Variants in CENPP observed in about 807,000 individuals in gnomAD.
The protein encoded by CENPP is centromere protein P.
Under a neutral mutation model 35.6 loss-of-function variants are expected in CENPP, and 24 were observed. The ratio of observed to expected loss-of-function variants is 0.67; its 90% CI spans 0.49 to 0.95. CENPP has a LOEUF of 0.95. Among genes scored for constraint, CENPP ranks in the 40% least tolerant of loss-of-function variants. CENPP has a pLI of 0.00. For missense variants in CENPP, 332 were observed against 345.3 expected, an observed-to-expected ratio of 0.96 and a Z score of 0.31; for synonymous variants, 120 against 125.5, an observed-to-expected ratio of 0.96 and a Z score of 0.29.
chr9:92,413,089 A>G (rs1426752396), intron 5 of CENPP, among the ~76,000 whole-genome samples: 2 of 145,776 alleles, frequency 1.4e-5, no homozygotes, highest in East Asian at 2.0e-4. Context: ...GGTTTAGGCA[A>G]TTCTCCTGCC....
chr9:92,398,806 C>T (rs1406842583), intron 5 of CENPP, among the ~76,000 whole-genome samples: 2 of 152,102 alleles, frequency 1.3e-5, no homozygotes, highest in Non-Finnish European at 2.9e-5. Flanking sequence ...AGTGGTGGCT[C>T]ACGCCTGTAA....
chr9:92,584,059 G>A (rs1850489700), intron 5 of CENPP, among the ~76,000 whole-genome samples: 1 of 152,122 alleles, frequency 6.6e-6, no homozygotes, highest in African/African-American at 2.4e-5. Context: ...AAAACACTGG[G>A]ATTAGTTCCA....
intron 5 of CENPP, among the ~76,000 whole-genome samples, chr9:92,589,867 G>A (rs571890599): frequency 6.6e-6 from 1 of 152,212 alleles, no homozygotes; most frequent in East Asian, 1.9e-4. Context: ...ATAATCATAT[G>A]TTCATATTTC....
chr9:92,360,555 C>G (rs1564277843), intron 4 of CENPP, among the ~76,000 whole-genome samples: 2 of 151,944 alleles, frequency 1.3e-5, no homozygotes, highest in East Asian at 3.9e-4. Flanking sequence ...AGACTGAGAC[C>G]CTGTCTCAAA....
chr9:92,547,202 GAATA>G (rs939728904), intron 5 of CENPP, among the ~76,000 whole-genome samples: 24 of 151,988 alleles, frequency 1.6e-4, no homozygotes, highest in African/African-American at 4.8e-4. Context: ...GTTTTAAAAA[GAATA>G]AAGAAAGCAA....
rs113846007 is a variant in CENPP, at chr9:92,329,723, T to TTGTGTG, written c.108-2431_108-2426dup. Among the ~76,000 whole-genome samples, 26 of 150,980 alleles carry TTGTGTG rather than the reference T, an allele frequency of 1.7e-4. 1 individual carries two copies. Among genetic ancestry groups the TTGTGTG allele is most frequent in the African/African-American group, 6.1e-4 (25 of 41,322 alleles). On this transcript the variant is annotated intron_variant, in intron 1 of 7. Transcript: ENST00000375587. ...CACCTGCCACTATGCCCAGATAATT[T>TTGTGTG]TGTGTGTGTGTGTGTGTGTGTATTT...
intron 5 of CENPP, among the ~76,000 whole-genome samples, chr9:92,539,337 T>TC (rs1298674821): frequency 6.8e-6 from 1 of 147,816 alleles, no homozygotes; most frequent in Admixed American, 6.7e-5. Context: ...TCTCCCGCCT[T>TC]CCCCCGCTCC....
intron 5 of CENPP, among the ~76,000 whole-genome samples, chr9:92,520,489 G>T (rs1485035007): frequency 6.6e-6 from 1 of 152,162 alleles, no homozygotes; most frequent in African/African-American, 2.4e-5. Flanking sequence ...TAGAGAAACT[G>T]GAGTCCTCTT....
At chr9:92,585,120 CAAG>C (rs1850510694) in intron 5 of CENPP, among the ~76,000 whole-genome samples, 1 of 152,128 alleles carries the variant, frequency 6.6e-6, no homozygotes, top group South Asian at 2.1e-4. Flanking sequence ...AGTAGAATGA[CAAG>C]AATGTTTACA....
In CENPP at chr9:92,570,244, T is replaced by C. The variant is rs143701305; in HGVS notation, c.565-41070T>C. 4.7e-4 allele frequency among the ~76,000 whole-genome samples: 71 copies of C among 152,304 alleles called. 1 individual carries two copies. The East Asian group carries it at 0.012, about 25-fold the overall frequency. On this transcript the variant is annotated intron_variant, in intron 5 of 7. Transcript: ENST00000375587. ...ATAGATAGCTCTTATTATTTTGAGA[T>C]ATGTCCCATCAATACCTAGTCTATT...
Position 92,349,699 on chromosome 9 carries a change from G to A in CENPP, c.467+3912G>A, listed in dbSNP as rs149178272. ...TTACAGGCGTGAGCCACCACGCCTG[G>A]CCTATGTATACATTTATGTAGCATA... On this transcript the variant is annotated intron_variant, in intron 4 of 7. Coordinates refer to ENST00000375587, the MANE Select transcript of CENPP (RefSeq NM_001012267.3). Among the ~76,000 whole-genome samples the A allele has an allele frequency of 4.6e-3, 707 of 152,074 alleles. 2 individuals carry two copies. The highest frequency in any genetic ancestry group is 7.9e-3 in the Non-Finnish European group (539 of 67,994).
At chr9:92,475,500 A>G (rs2131087133) in intron 5 of CENPP, among the ~76,000 whole-genome samples, 1 of 152,342 alleles carries the variant, frequency 6.6e-6, no homozygotes, top group South Asian at 2.1e-4. Flanking sequence ...TTTCATAATG[A>G]GCAATGAGTA....
intron 5 of CENPP, among the ~76,000 whole-genome samples, chr9:92,515,856 G>C (rs981655535): frequency 6.6e-6 from 1 of 152,150 alleles, no homozygotes; most frequent in Admixed American, 6.5e-5. Flanking sequence ...GGACTTAAGT[G>C]ATGTTGCTTT....
chr9:92,388,019 C>T lies in CENPP; in HGVS notation c.564+8160C>T, dbSNP rs577122037. Among the ~76,000 whole-genome samples, 10 of 152,140 alleles carry T rather than the reference C, an allele frequency of 6.6e-5. No homozygotes were observed. In the South Asian group the frequency reaches 1.9e-3, roughly 28 times the overall value. On this transcript the variant is annotated intron_variant, in intron 5 of 7. Coordinates refer to ENST00000375587, the MANE Select transcript of CENPP (RefSeq NM_001012267.3). ...GCTCAGGCAATCTGCCCGCCTTGGC[C>T]TCCCAAAGTGCTAGGATTACAGGCA...
At chr9:92,326,442 C>T (rs1446250665) in intron 1 of CENPP, among the ~76,000 whole-genome samples, 1 of 152,196 alleles carries the variant, frequency 6.6e-6, no homozygotes, top group Non-Finnish European at 1.5e-5. Flanking sequence ...GGTTTCATGG[C>T]ATTTGTTTTG....
intron 5 of CENPP, among the ~76,000 whole-genome samples, chr9:92,539,865 G>C (rs1275751602): frequency 6.6e-6 from 1 of 152,108 alleles, no homozygotes; most frequent in Admixed American, 6.6e-5. Context: ...ATGGACATTT[G>C]GGTTGTTTCC....
At chr9:92,600,170 G>A (rs915603365) in intron 5 of CENPP, 8 of 751,204 alleles carry the variant, frequency 1.1e-5, no homozygotes, top group South Asian at 5.4e-5. Context: ...CACATGTCAC[G>A]AAATCTTTGG....
intron 5 of CENPP, chr9:92,416,622 CTATTTCATTATTTTGT>C: frequency 6.6e-7 from 1 of 1,517,680 alleles, no homozygotes; most frequent in Non-Finnish European, 8.9e-7. Context: ...TACATACTTT[CTATTTCATTATTTTGT>C]AGGTATAGGT....
chr9:92,601,150 T>C (rs1473432110), intron 5 of CENPP, among the ~76,000 whole-genome samples: 1 of 152,204 alleles, frequency 6.6e-6, no homozygotes, highest in African/African-American at 2.4e-5. Flanking sequence ...AGCCACTGCA[T>C]TCCTTTCTGC....
Sources: allele counts gnomAD v4.1 joint callset (sites outside exome capture counted in the v4.1 genomes callset), GRCh38; gene constraint gnomAD v4.1.1; transcripts MANE v1.5; gene names NCBI Gene and HGNC (gene_info 2026-07-23, HGNC 2026-07-21).